Variants in CLVS2 observed in about 807,000 individuals in gnomAD.
CLVS2 encodes the protein clavesin-2.
Under a neutral mutation model 29.0 loss-of-function variants are expected in CLVS2, and 19 were observed. That is an observed-to-expected ratio of 0.66 (90% CI 0.46 to 0.96). The LOEUF is 0.96. CLVS2 is among the 40% of genes least tolerant of loss of function. The pLI, the probability that CLVS2 is intolerant of heterozygous loss-of-function variation, is 0.00. For missense variants in CLVS2, 294 were observed against 404.1 expected (o/e 0.73, Z 2.34); for synonymous variants, 161 against 151.3 (o/e 1.06, Z -0.47).
intron 2 of CLVS2, among the ~76,000 whole-genome samples, chr6:122,999,161 A>T (rs976016528): frequency 2.0e-5 from 3 of 152,128 alleles, no homozygotes; most frequent in African/African-American, 7.2e-5. Context: ...ACATTGGTGT[A>T]TTTTTAGTTC....
At chr6:123,033,753 A>T (rs1307684760) in intron 3 of CLVS2, among the ~76,000 whole-genome samples, 2 of 152,138 alleles carry the variant, frequency 1.3e-5, no homozygotes, top group Admixed American at 1.3e-4. Flanking sequence ...TCTGTGAAAC[A>T]TCCTGTTAAA....
intron 3 of CLVS2, among the ~76,000 whole-genome samples, chr6:123,027,002 T>C (rs9372732): frequency 0.71 from 107,355 of 151,942 alleles, 38,238 homozygotes; most frequent in East Asian, 0.91. Flanking sequence ...TGTGGAGAGA[T>C]GTACGTAGGG....
chr6:123,018,273 G>A lies in CLVS2; in HGVS notation c.564+7114G>A, dbSNP rs540399544. Reference sequence around the variant, plus strand: ...TATTCTTTTCAGCAGCAATGTAAATGCATCTTGATGTGTTCTTCTTTCCCA... The same window carrying A: ...TATTCTTTTCAGCAGCAATGTAAATACATCTTGATGTGTTCTTCTTTCCCA... On this transcript the variant is annotated intron_variant, in intron 3 of 5. Transcript: ENST00000275162. 5.8e-4 allele frequency among the ~76,000 whole-genome samples: 88 copies of A among 151,998 alleles called. 1 individual carries two copies. The highest frequency in any genetic ancestry group is 8.5e-4 in the Admixed American group (13 of 15,216).
intron 3 of CLVS2, among the ~76,000 whole-genome samples, chr6:123,032,544 C>T (rs1424049561): frequency 6.6e-6 from 1 of 151,980 alleles, no homozygotes; most frequent in African/African-American, 2.4e-5. Flanking sequence ...AACAAATATT[C>T]CTTAAATTAC....
At chr6:123,014,579 C>A (rs1460917107) in intron 3 of CLVS2, among the ~76,000 whole-genome samples, 1 of 152,004 alleles carries the variant, frequency 6.6e-6, no homozygotes, top group Non-Finnish European at 1.5e-5. Context: ...TTCATTTATA[C>A]CAATTTTCAA....
At chr6:123,004,529 C>A (rs541123883) in intron 2 of CLVS2, among the ~76,000 whole-genome samples, 8 of 152,314 alleles carry the variant, frequency 5.3e-5, no homozygotes, top group Admixed American at 2.0e-4. Context: ...TTTCCTCCAC[C>A]AAAGCTCCCT....
At chr6:123,010,318 C>A (rs1252184999) in intron 2 of CLVS2, among the ~76,000 whole-genome samples, 1 of 151,886 alleles carries the variant, frequency 6.6e-6, no homozygotes, top group African/African-American at 2.4e-5. Context: ...GTTACTGGAA[C>A]GTTTCAGGAA....
chr6:123,025,655 G>A (rs1774990555), intron 3 of CLVS2, among the ~76,000 whole-genome samples: 1 of 152,128 alleles, frequency 6.6e-6, no homozygotes, highest in South Asian at 2.1e-4. Context: ...CTTGCTTAAA[G>A]GGAGCTACTT....
chr6:123,059,825 C>A lies in CLVS2; in HGVS notation c.896+3799C>A, dbSNP rs76424257. On this transcript the variant is annotated intron_variant, in intron 5 of 5. Transcript: ENST00000275162. The stretch of plus-strand genomic sequence containing the variant: ...TCTATCCACCTTTTGTATCCTGATT[C>A]TTTTCTCCAATTAAATAGACCATTT... Among the ~76,000 whole-genome samples, 9 of 152,276 alleles carry A rather than the reference C, an allele frequency of 5.9e-5. No homozygotes were observed. The East Asian group carries it at 1.7e-3, about 29-fold the overall frequency.
chr6:123,034,536 G>A (rs936145851), intron 3 of CLVS2, among the ~76,000 whole-genome samples: 2 of 152,132 alleles, frequency 1.3e-5, no homozygotes, highest in Non-Finnish European at 2.9e-5. Context: ...AGCCAGAGGA[G>A]AGATTAATGA....
Position 123,063,950 on chromosome 6 carries a change from C to A in CLVS2, c.*189C>A. ...GCCCTGGGCTGGATTTTTAAAATGT[C>A]AATAATTTATTCTGTAAGTGCCAAG... On this transcript the variant is annotated 3_prime_UTR_variant, in exon 6 of 6. Transcript: ENST00000275162. 5 of 441,344 alleles carry A rather than the reference C, an allele frequency of 1.1e-5. No homozygotes were observed. Among genetic ancestry groups the A allele is most frequent in the Non-Finnish European group, 2.0e-5 (5 of 246,988 alleles). The allele number at this position is 441,344 out of a possible 1,614,324, so 27.3% of individuals were successfully genotyped here.
chr6:123,023,940 C>T (rs951251123), intron 3 of CLVS2, among the ~76,000 whole-genome samples: 1 of 152,064 alleles, frequency 6.6e-6, no homozygotes, highest in Admixed American at 6.6e-5. Flanking sequence ...GTACCCAGTC[C>T]TATAAGGTTA....
At chr6:123,008,280 A>G (rs1774698362) in intron 2 of CLVS2, among the ~76,000 whole-genome samples, 1 of 152,062 alleles carries the variant, frequency 6.6e-6, no homozygotes, top group Admixed American at 6.6e-5. Context: ...AGGTGGTTAG[A>G]CTTACTCTTG....
At chr6:123,058,101 G>A (rs532687569) in intron 5 of CLVS2, among the ~76,000 whole-genome samples, 1 of 152,238 alleles carries the variant, frequency 6.6e-6, no homozygotes, top group Non-Finnish European at 1.5e-5. Flanking sequence ...GATAACAGTT[G>A]TTATAATCTA....
chr6:123,022,787 C>T (rs888232989), intron 3 of CLVS2, among the ~76,000 whole-genome samples: 1 of 151,984 alleles, frequency 6.6e-6, no homozygotes, highest in African/African-American at 2.4e-5. Context: ...CACTTGATTT[C>T]AAAAGACCTC....
intron 2 of CLVS2, among the ~76,000 whole-genome samples, chr6:123,007,588 T>A (rs747517532): frequency 1.3e-5 from 2 of 152,202 alleles, no homozygotes; most frequent in Non-Finnish European, 2.9e-5. Flanking sequence ...TTGCTATGGG[T>A]ATTAAAGTCT....
At chr6:123,026,606 G>C (rs1372484343) in intron 3 of CLVS2, among the ~76,000 whole-genome samples, 1 of 152,120 alleles carries the variant, frequency 6.6e-6, no homozygotes. Context: ...AGCAGAGTTA[G>C]TGAAAATGTA....
At chr6:123,000,165 T>G (rs1562161090) in intron 2 of CLVS2, among the ~76,000 whole-genome samples, 1 of 152,178 alleles carries the variant, frequency 6.6e-6, no homozygotes, top group Admixed American at 6.5e-5. Flanking sequence ...AAATTTCCTG[T>G]CAAGATGTCT....
chr6:123,057,348 T>C (rs1286864628), intron 5 of CLVS2, among the ~76,000 whole-genome samples: 4 of 140,024 alleles, frequency 2.9e-5, no homozygotes, highest in South Asian at 2.4e-4. Flanking sequence ...TTTTTTTTTT[T>C]TTTTTTTTTT....
Sources: gnomAD v4.1 joint callset for allele counts (sites outside exome capture counted in the v4.1 genomes callset) on GRCh38, gnomAD v4.1.1 for gene constraint, MANE v1.5 for transcripts, NCBI Gene and HGNC (gene_info 2026-07-23, HGNC 2026-07-21) for gene names.